SH3PXD2A: variants seen among roughly 807,000 people sequenced by gnomAD.
SH3PXD2A encodes SH3 and PX domains 2A.
Under a neutral mutation model 115.2 loss-of-function variants are expected in SH3PXD2A, and 32 were observed. That is an observed-to-expected ratio of 0.28 (90% confidence interval 0.21 to 0.37). The LOEUF is 0.37. SH3PXD2A is among the 10% of genes least tolerant of loss of function. The probability of loss-of-function intolerance (pLI) is 1.00; values close to 1 mark genes in which losing one functional copy is unlikely to be tolerated. For missense variants in SH3PXD2A, 1,328 were observed against 1,498.7 expected (o/e 0.89, Z 1.88); for synonymous variants, 610 against 629.1 (o/e 0.97, Z 0.45).
At position 103,779,341 on chromosome 10, in the gene SH3PXD2A, C is replaced by T. The variant is rs772786342; in HGVS notation, c.154-12172G>A. Among the ~76,000 whole-genome samples the T allele has an allele frequency of 6.6e-5, 10 of 152,274 alleles. No homozygotes were observed. In the South Asian group the frequency reaches 8.3e-4, roughly 13 times the overall value. ...CCTGGCATGAGGCGCCGTGCGGGGCCGGCTTCTTACTATGGATGGGAGCTA... is the reference window on the plus strand; with the variant it reads ...CCTGGCATGAGGCGCCGTGCGGGGCTGGCTTCTTACTATGGATGGGAGCTA... On this transcript the variant is annotated intron_variant, in intron 2 of 14. Transcript: ENST00000369774.
chr10:103,845,601 C>T (rs910820201), intron 1 of SH3PXD2A, among the ~76,000 whole-genome samples: 42 of 152,274 alleles, frequency 2.8e-4, no homozygotes, highest in Admixed American at 2.2e-3. Flanking sequence ...AATGGGTAAC[C>T]AGTGGCCCTC....
rs2038499214 is a variant in SH3PXD2A at position 103,746,077 on chromosome 10, C to G, written c.230-10269G>C. On this transcript the variant is annotated intron_variant, in intron 3 of 14. Transcript: ENST00000369774. This position sits in a 1 kb window ranked among gnomAD's most constrained non-coding sequence, Gnocchi z 4.4. ...CGCACCTTGGAGGGAAGAACGATCT[C>G]CCAAATTCTGGTTCGGAGGTTCCCA... 6.6e-6 allele frequency: 1 copy of G among 152,238 alleles called. No individual in the cohort carries two copies. The highest frequency in any genetic ancestry group is 6.5e-5 in the Admixed American group (1 of 15,284). 9.4% of individuals were successfully genotyped at this position (152,238 alleles called of 1,614,324 possible).
chr10:103,813,186 A>G (rs1382620441), intron 1 of SH3PXD2A, among the ~76,000 whole-genome samples: 3 of 152,188 alleles, frequency 2.0e-5, no homozygotes, highest in East Asian at 3.8e-4. Context: ...TATGGGGGGA[A>G]GTTTGCATAT....
chr10:103,768,252 G>A (rs957176926), intron 2 of SH3PXD2A, among the ~76,000 whole-genome samples: 12 of 152,318 alleles, frequency 7.9e-5, no homozygotes, highest in Admixed American at 5.9e-4. Flanking sequence ...TCAGTGCTGC[G>A]GAGGAAAATC....
At chr10:103,687,090 CTTTAAGTAAGGGAAAT>C (rs556847099) in intron 6 of SH3PXD2A, among the ~76,000 whole-genome samples, 64 of 152,200 alleles carry the variant, frequency 4.2e-4, no homozygotes, top group Non-Finnish European at 6.8e-4. Context: ...GACCGGATGA[CTTTAAGTAAGGGAAAT>C]TATCTAAAAC....
intron 4 of SH3PXD2A, among the ~76,000 whole-genome samples, chr10:103,733,654 G>A (rs576066416): frequency 1.3e-5 from 2 of 152,312 alleles, no homozygotes; most frequent in South Asian, 4.2e-4. Context: ...AATGTTCACA[G>A]TCACGAAATT....
chr10:103,837,812 G>A (rs1589478561), intron 1 of SH3PXD2A, among the ~76,000 whole-genome samples: 1 of 152,176 alleles, frequency 6.6e-6, no homozygotes, highest in East Asian at 1.9e-4. Flanking sequence ...CACAGTACCT[G>A]CAGAAGACAC....
At chr10:103,719,645 G>A (rs1030937563) in intron 5 of SH3PXD2A, among the ~76,000 whole-genome samples, 2 of 151,404 alleles carry the variant, frequency 1.3e-5, no homozygotes, top group African/African-American at 4.9e-5. Flanking sequence ...CACAGCAAGC[G>A]TCTTAGTCTG....
At chr10:103,714,885 T>C (rs1483718078) in intron 5 of SH3PXD2A, among the ~76,000 whole-genome samples, 1 of 152,192 alleles carries the variant, frequency 6.6e-6, no homozygotes, top group Non-Finnish European at 1.5e-5. Context: ...GCCAGGCATG[T>C]GTGGGTGGAC....
chr10:103,686,218 C>G (rs1404116537), intron 6 of SH3PXD2A, among the ~76,000 whole-genome samples: 1 of 152,216 alleles, frequency 6.6e-6, no homozygotes, highest in Non-Finnish European at 1.5e-5. Flanking sequence ...TGTAACAACA[C>G]TCTTGAGCAA....
At chr10:103,728,114 T>G (rs1358846581) in intron 4 of SH3PXD2A, among the ~76,000 whole-genome samples, 1 of 152,176 alleles carries the variant, frequency 6.6e-6, no homozygotes, top group Non-Finnish European at 1.5e-5. Flanking sequence ...AGTCAGGGCC[T>G]CAGAGCCTCA....
chr10:103,722,422 T>G (rs928382206), intron 5 of SH3PXD2A, among the ~76,000 whole-genome samples: 1 of 152,072 alleles, frequency 6.6e-6, no homozygotes, highest in African/African-American at 2.4e-5. Context: ...TTTTTACAGA[T>G]GGTTCCCTAT....
At chr10:103,615,179 G>A (rs1367257003) in intron 11 of SH3PXD2A, among the ~76,000 whole-genome samples, 1 of 152,226 alleles carries the variant, frequency 6.6e-6, no homozygotes, top group Non-Finnish European at 1.5e-5. Flanking sequence ...TTGCATCTCA[G>A]AGAAAAGACA....
At chr10:103,707,616 G>A (rs1179896260) in intron 5 of SH3PXD2A, among the ~76,000 whole-genome samples, 1 of 152,070 alleles carries the variant, frequency 6.6e-6, no homozygotes, top group Non-Finnish European at 1.5e-5. Context: ...CCAAAGTGCT[G>A]GAATTACAGG....
chr10:103,804,314 C>CTTTTTTTTT (rs58737094), intron 1 of SH3PXD2A, among the ~76,000 whole-genome samples: 1 of 59,672 alleles, frequency 1.7e-5, no homozygotes, highest in African/African-American at 6.5e-5. Context: ...TTGACATCAT[C>CTTTTTTTTT]TTTTTTTTTT....
chr10:103,633,491 C>T (rs539475143), intron 8 of SH3PXD2A, among the ~76,000 whole-genome samples: 3 of 151,758 alleles, frequency 2.0e-5, no homozygotes, highest in East Asian at 1.9e-4. Flanking sequence ...TTTGGAAGGC[C>T]GAGGCAGGCA....
At chr10:103,615,146 A>G (rs2036490338) in intron 11 of SH3PXD2A, among the ~76,000 whole-genome samples, 1 of 152,240 alleles carries the variant, frequency 6.6e-6, no homozygotes, top group Non-Finnish European at 1.5e-5. Flanking sequence ...GCTTAGCAGC[A>G]TCTGGCCCAG....
intron 6 of SH3PXD2A, among the ~76,000 whole-genome samples, chr10:103,692,222 C>T (rs1215236788): frequency 2.6e-5 from 4 of 152,232 alleles, no homozygotes; most frequent in Non-Finnish European, 5.9e-5. Flanking sequence ...ACAGCCCGCC[C>T]ACATCCAGGC....
rs1564884152 is a variant in SH3PXD2A, at chr10:103,767,805, G to GTTTTGTT, written c.154-643_154-637dup. The stretch of plus-strand genomic sequence containing the variant: ...TTTCCAGGGTTCTGGAGGAACAACT[G>GTTTTGTT]TTTTGTTTTTTTTTTTTTTTTTTTT... On this transcript the variant is annotated intron_variant, in intron 2 of 14. Coordinates refer to ENST00000369774, the MANE Select transcript of SH3PXD2A (RefSeq NM_001394015.1). Among the ~76,000 whole-genome samples the GTTTTGTT allele has an allele frequency of 1.9e-3, 178 of 92,596 alleles. 3 individuals carry two copies. The highest frequency in any genetic ancestry group is 8.0e-3 in the African/African-American group (165 of 20,678). 60.7% of individuals were successfully genotyped at this position (92,596 alleles called of 152,430 possible).
Sources: gnomAD v4.1 joint callset for allele counts (sites outside exome capture counted in the v4.1 genomes callset) on GRCh38, gnomAD v4.1.1 for gene constraint, Gnocchi (gnomAD v3.1) non-coding constraint, MANE v1.5 for transcripts, NCBI Gene and HGNC (gene_info 2026-07-23, HGNC 2026-07-21) for gene names.